Variants in PROX1 observed in about 807,000 individuals in gnomAD.
PROX1 encodes prospero homeobox 1, also known as prospero homeobox protein 1.
A neutral mutation model predicts 58.8 loss-of-function variants in PROX1; 7 were observed. That is an observed-to-expected ratio of 0.12 (90% CI 0.07 to 0.22). The LOEUF is 0.22. Among genes scored for constraint, PROX1 ranks in the 10% least tolerant of loss-of-function variants. The pLI is 1.00. For missense variants in PROX1, 675 were observed against 927.8 expected (o/e 0.73, Z 3.54); for synonymous variants, 350 against 358.3 (o/e 0.98, Z 0.26).
intron 4 of PROX1, 131 bp downstream of exon 4, chr1:214,011,846 T>A: frequency 1.4e-6 from 1 of 700,748 alleles, no homozygotes; most frequent in East Asian, 3.0e-5. Context: ...GAGTAACAGG[T>A]AGAGCTGTGA....
intron 4 of PROX1, among the ~76,000 whole-genome samples, chr1:214,021,053 C>T (rs973315434): frequency 3.3e-5 from 5 of 152,150 alleles, no homozygotes; most frequent in African/African-American, 7.2e-5. Flanking sequence ...TCAGATCAGG[C>T]GGGTGGGCTC....
At chr1:214,031,683 TGTGAA>T (rs1217091278) in intron 4 of PROX1, among the ~76,000 whole-genome samples, 1 of 152,074 alleles carries the variant, frequency 6.6e-6, no homozygotes, top group East Asian at 1.9e-4. Context: ...AGCCATTAGG[TGTGAA>T]GAGGTGCAGA....
intron 4 of PROX1, among the ~76,000 whole-genome samples, chr1:214,026,981 T>C (rs1664479264): frequency 1.3e-5 from 2 of 152,222 alleles, no homozygotes; most frequent in South Asian, 2.1e-4. Context: ...TCATATCTGT[T>C]TGCTATCAGC....
intron 2 of PROX1, among the ~76,000 whole-genome samples, chr1:214,003,328 C>T (rs1434443936): frequency 2.0e-5 from 3 of 152,204 alleles, no homozygotes; most frequent in African/African-American, 7.2e-5. Flanking sequence ...GAGTGTCTGT[C>T]AAAGTTTGGA....
At chr1:214,022,198 A>G (rs966584248) in intron 4 of PROX1, among the ~76,000 whole-genome samples, 1 of 152,194 alleles carries the variant, frequency 6.6e-6, no homozygotes, top group African/African-American at 2.4e-5. Context: ...GCTGCTTTCT[A>G]GCAGTGAAAC....
upstream of PROX1, chr1:213,985,500 C>A (rs1662802329): frequency 6.6e-6 from 1 of 152,258 alleles, no homozygotes; most frequent in South Asian, 2.1e-4. Flanking sequence ...TATTTCAAGT[C>A]GCCGCTCCTG....
chr1:214,009,153 G>A (rs1663821132), intron 3 of PROX1, among the ~76,000 whole-genome samples: 1 of 152,160 alleles, frequency 6.6e-6, no homozygotes, highest in African/African-American at 2.4e-5. Flanking sequence ...GCCAGATTAA[G>A]GTGTCAGATT....
At chr1:213,991,918 T>C (rs547478373) in intron 1 of PROX1, among the ~76,000 whole-genome samples, 5 of 152,346 alleles carry the variant, frequency 3.3e-5, no homozygotes, top group African/African-American at 1.2e-4. Context: ...TGTATCATTA[T>C]AGGATTTTAA....
At chr1:213,998,917 A>G (rs1663390038) in intron 2 of PROX1, among the ~76,000 whole-genome samples, 1 of 152,148 alleles carries the variant, frequency 6.6e-6, no homozygotes, top group African/African-American at 2.4e-5. Context: ...TTATTCAGAC[A>G]GCATCGGTCT....
chr1:214,027,199 CT>C (rs1374888669), intron 4 of PROX1, among the ~76,000 whole-genome samples: 4 of 152,078 alleles, frequency 2.6e-5, no homozygotes, highest in African/African-American at 9.7e-5. Flanking sequence ...TAGCCTTTCC[CT>C]GGGTTTGCTT....
intron 4 of PROX1, among the ~76,000 whole-genome samples, chr1:214,019,328 C>T (rs1664201570): frequency 6.6e-6 from 1 of 152,124 alleles, no homozygotes; most frequent in African/African-American, 2.4e-5. Flanking sequence ...TGCCTTACAC[C>T]TGTGTGGCTA....
chr1:214,016,975 T>G (rs1206174590), intron 4 of PROX1, among the ~76,000 whole-genome samples: 1 of 152,200 alleles, frequency 6.6e-6, no homozygotes, highest in Admixed American at 6.5e-5. Context: ...CTCAACAGCT[T>G]TATTAGTTAT....
chr1:214,021,485 CT>C (rs1337896444), intron 4 of PROX1, among the ~76,000 whole-genome samples: 2 of 152,156 alleles, frequency 1.3e-5, no homozygotes, highest in African/African-American at 4.8e-5. Context: ...AGCTCTAATC[CT>C]TTTTAAAAGC....
In PROX1 at chr1:214,013,138, GGTGTGT is replaced by G. The variant is rs67603307; in HGVS notation, c.2028+1448_2028+1453del. Among the ~76,000 whole-genome samples the G allele has an allele frequency of 2.7e-3, 393 of 148,232 alleles. 2 individuals are homozygous for G. The highest frequency in any genetic ancestry group is 4.1e-3 in the Non-Finnish European group (274 of 66,880). ...AATGTGTGATAAATGAAGTTTGGGT[GGTGTGT>G]GTGTGTGTGTGTGTGTGTGTGTGTT... On this transcript the variant is annotated intron_variant, in intron 4 of 4. Transcript: ENST00000366958.
At position 214,005,383 on chromosome 1, in the gene PROX1, T is replaced by C. The variant is rs1663671402; in HGVS notation, c.1833+111T>C. 5 of 787,718 alleles carry C rather than the reference T, an allele frequency of 6.3e-6. No homozygotes were observed. The South Asian group carries it at 9.0e-5, about 14-fold the overall frequency. The allele number at this position is 787,718 out of a possible 1,614,324, so 48.8% of individuals were successfully genotyped here. ...TGGAATTGGTTTATTCCTACACCTG[T>C]GTTATAATTGATTTAATGCACTTGT... is the stretch of plus-strand genomic sequence containing the variant. On this transcript the variant is annotated intron_variant, in intron 3 of 4. Coordinates refer to ENST00000366958, the MANE Select transcript of PROX1 (RefSeq NM_001270616.2).
chr1:214,019,830 C>G (rs1176200071), intron 4 of PROX1, among the ~76,000 whole-genome samples: 2 of 152,208 alleles, frequency 1.3e-5, no homozygotes, highest in Non-Finnish European at 2.9e-5. Context: ...ACGCCTGTGC[C>G]CAAATCCCGG....
At chr1:214,018,927 T>C (rs151112424) in intron 4 of PROX1, among the ~76,000 whole-genome samples, 1 of 152,346 alleles carries the variant, frequency 6.6e-6, no homozygotes, top group African/African-American at 2.4e-5. Flanking sequence ...GTTCTTCTTA[T>C]GAATCTTTCA....
chr1:214,020,853 G>A (rs1156928543), intron 4 of PROX1, among the ~76,000 whole-genome samples: 1 of 152,226 alleles, frequency 6.6e-6, no homozygotes, highest in African/African-American at 2.4e-5. Flanking sequence ...TTAGATCACT[G>A]CCATGAATTG....
At chr1:214,033,451 A>G (rs1664729058) in intron 4 of PROX1, among the ~76,000 whole-genome samples, 1 of 152,168 alleles carries the variant, frequency 6.6e-6, no homozygotes, top group Non-Finnish European at 1.5e-5. Context: ...TACAAAAGTT[A>G]GCCAGGCGTG....
Sources: allele counts gnomAD v4.1 joint callset (sites outside exome capture counted in the v4.1 genomes callset), GRCh38; gene constraint gnomAD v4.1.1; transcripts MANE v1.5; gene names NCBI Gene and HGNC (gene_info 2026-07-23, HGNC 2026-07-21).